The following CAPN13 variants were observed in gnomAD, a reference collection of about 807,000 sequenced individuals.
The protein encoded by CAPN13 is calpain 13, also known as calpain-13.
A neutral mutation model predicts 98.4 loss-of-function variants in CAPN13; 90 were observed. That is an observed-to-expected ratio of 0.92 (90% CI 0.77 to 1.09). CAPN13 has a LOEUF of 1.09. CAPN13 is among the 50% of genes least tolerant of loss of function. CAPN13 has a pLI of 0.00. For missense variants in CAPN13, 887 were observed against 841.3 expected, an observed-to-expected ratio of 1.05 and a Z score of -0.67; for synonymous variants, 330 against 305.5, an observed-to-expected ratio of 1.08 and a Z score of -0.84.
chr2:30,758,849 T>TC (rs1672630179), intron 7 of CAPN13, among the ~76,000 whole-genome samples: 1 of 106,160 alleles, frequency 9.4e-6, no homozygotes, highest in Admixed American at 1.1e-4. Flanking sequence ...TCTTTCCCTT[T>TC]CTCCCTCCCT....
intron 1 of CAPN13, among the ~76,000 whole-genome samples, chr2:30,795,986 G>A (rs1048919936): frequency 5.3e-5 from 8 of 151,500 alleles, no homozygotes; most frequent in African/African-American, 1.9e-4. Flanking sequence ...AAATAGACTT[G>A]CAGAGAAATA....
intron 10 of CAPN13, 116 bp from the exon 11 acceptor site, chr2:30,751,367 C>T: frequency 9.0e-7 from 1 of 1,113,634 alleles, no homozygotes; most frequent in Non-Finnish European, 1.3e-6. Flanking sequence ...GATTGGAGAC[C>T]TAAGGCCTGG....
intron 21 of CAPN13, 60 bp downstream of exon 21, chr2:30,731,284 A>T (rs1671076455): frequency 1.4e-6 from 2 of 1,468,976 alleles, no homozygotes; most frequent in Non-Finnish European, 1.8e-6. Context: ...GCCCTCTGGA[A>T]TCAAGTCAGG....
At chr2:30,790,552 A>G (rs1020162266) in intron 1 of CAPN13, among the ~76,000 whole-genome samples, 1 of 152,194 alleles carries the variant, frequency 6.6e-6, no homozygotes, top group Non-Finnish European at 1.5e-5. Flanking sequence ...GCTTAGGGCT[A>G]CAAAGCCTCT....
intron 2 of CAPN13, among the ~76,000 whole-genome samples, chr2:30,786,505 G>A (rs1210566321): frequency 6.6e-6 from 1 of 152,194 alleles, no homozygotes; most frequent in East Asian, 1.9e-4. Flanking sequence ...CTGCAAGGTA[G>A]AGGTAGTGGC....
At chr2:30,770,290 A>T in intron 5 of CAPN13, 23 bp downstream of exon 5, 1 of 1,611,526 alleles carries the variant, frequency 6.2e-7, no homozygotes, top group Non-Finnish European at 8.5e-7. Flanking sequence ...CTCTGGGCTG[A>T]TGGGTGGCGG....
At chr2:30,796,357 T>C (rs778713922) in intron 1 of CAPN13, among the ~76,000 whole-genome samples, 3 of 151,742 alleles carry the variant, frequency 2.0e-5, no homozygotes, top group Non-Finnish European at 2.9e-5. Context: ...ACTATGACAG[T>C]GCAACGTAGC....
chr2:30,758,169 C>A, intron 7 of CAPN13, 32 bp from the exon 8 acceptor site: 1 of 1,516,360 alleles, frequency 6.6e-7, no homozygotes, highest in South Asian at 1.2e-5. Flanking sequence ...AAACTCAGTG[C>A]TCTACAGCAA....
At chr2:30,756,510 G>A (rs772063134) in intron 8 of CAPN13, among the ~76,000 whole-genome samples, 9 of 152,116 alleles carry the variant, frequency 5.9e-5, no homozygotes, top group Admixed American at 1.3e-4. Context: ...TGGGAAACAC[G>A]GGCAAATTAT....
intron 1 of CAPN13, among the ~76,000 whole-genome samples, chr2:30,800,127 A>AGAAAGAAAGAAAGAAAGAAAGAAG (rs1675143426): frequency 7.5e-6 from 1 of 133,638 alleles, no homozygotes; most frequent in Admixed American, 7.3e-5. Context: ...AAAGAAAGAA[A>AGAAAGAAAGAAAGAAAGAAAGAAG]GAAAGAAAGA....
chr2:30,726,260 T>C (rs1056809511), intron 22 of CAPN13, among the ~76,000 whole-genome samples: 4 of 152,216 alleles, frequency 2.6e-5, no homozygotes, highest in Non-Finnish European at 5.9e-5. Context: ...AAATGGTATC[T>C]ATGAAAAACT....
At chr2:30,770,226 C>G in intron 5 of CAPN13, 87 bp downstream of exon 5, 1 of 1,533,768 alleles carries the variant, frequency 6.5e-7, no homozygotes, top group Non-Finnish European at 8.8e-7. Flanking sequence ...GCAAAGGCTG[C>G]AATGCTCCAA....
chr2:30,803,666 C>T (rs986072559), intron 1 of CAPN13, among the ~76,000 whole-genome samples: 4 of 152,212 alleles, frequency 2.6e-5, no homozygotes, highest in African/African-American at 9.6e-5. Context: ...TGGTACACGT[C>T]CCATCTCATG....
At chr2:30,724,693 G>A (rs1160638812) in intron 22 of CAPN13, among the ~76,000 whole-genome samples, 1 of 152,184 alleles carries the variant, frequency 6.6e-6, no homozygotes, top group Non-Finnish European at 1.5e-5. Flanking sequence ...GGTGTTGAGT[G>A]TTTTCACATC....
At chr2:30,743,624 T>G (rs1318207559) in intron 12 of CAPN13, 45 bp from the exon 13 acceptor site, 1 of 1,572,962 alleles carries the variant, frequency 6.4e-7, no homozygotes, top group Non-Finnish European at 8.7e-7. Flanking sequence ...GCCTCCTCTG[T>G]GCATGGACCC....
chr2:30,775,581 C>G (rs1486267215), intron 4 of CAPN13, among the ~76,000 whole-genome samples: 1 of 152,024 alleles, frequency 6.6e-6, no homozygotes, highest in Admixed American at 6.5e-5. Context: ...ACTTATCCTA[C>G]CAGATGTTAC....
intron 22 of CAPN13, among the ~76,000 whole-genome samples, chr2:30,724,086 G>C (rs752120107): frequency 6.6e-6 from 1 of 152,088 alleles, no homozygotes; most frequent in South Asian, 2.1e-4. Context: ...ATGGGGTGGG[G>C]TTGCTTCTAA....
intron 22 of CAPN13, among the ~76,000 whole-genome samples, chr2:30,728,237 A>G (rs1670928713): frequency 6.6e-6 from 1 of 151,096 alleles, no homozygotes; most frequent in Non-Finnish European, 1.5e-5. Context: ...TGTTCTAACA[A>G]TCATATTGTG....
At chr2:30,736,117 G>A (rs1671351565) in intron 18 of CAPN13, among the ~76,000 whole-genome samples, 1 of 151,474 alleles carries the variant, frequency 6.6e-6, no homozygotes, top group South Asian at 2.1e-4. Context: ...CAATGGGGAG[G>A]CCACATTGAG....
Sources: gnomAD v4.1 joint callset for allele counts (sites outside exome capture counted in the v4.1 genomes callset) on GRCh38, gnomAD v4.1.1 for gene constraint, MANE v1.5 for transcripts, NCBI Gene and HGNC (gene_info 2026-07-23, HGNC 2026-07-21) for gene names.